Variants in MBOAT2 observed in about 807,000 individuals in gnomAD.
The protein encoded by MBOAT2 is membrane bound glycerophospholipid O-acyltransferase 2.
MBOAT2 carries 28 observed loss-of-function variants against 63.4 expected under a neutral mutation model. The ratio of observed to expected loss-of-function variants is 0.44; its 90% CI spans 0.33 to 0.61. MBOAT2 has a LOEUF of 0.61. Among genes scored for constraint, MBOAT2 ranks in the 20% least tolerant of loss-of-function variants. The pLI, the probability that MBOAT2 is intolerant of heterozygous loss-of-function variation, is 0.03. For missense variants in MBOAT2, 470 were observed against 605.8 expected, an observed-to-expected ratio of 0.78 and a Z score of 2.35; for synonymous variants, 211 against 215.6, an observed-to-expected ratio of 0.98 and a Z score of 0.19.
chr2:8,929,091 A>G (rs529878354), intron 3 of MBOAT2, among the ~76,000 whole-genome samples: 154 of 152,324 alleles, frequency 1.0e-3, no homozygotes, highest in Admixed American at 2.1e-3. Flanking sequence ...CAGCAGACAC[A>G]AAAATAGATC....
At chr2:8,880,524 G>A (rs1215257373) in intron 6 of MBOAT2, among the ~76,000 whole-genome samples, 2 of 152,266 alleles carry the variant, frequency 1.3e-5, no homozygotes, top group African/African-American at 4.8e-5. Flanking sequence ...TTGGATAAAT[G>A]AGGCTGGAGC....
intron 1 of MBOAT2, among the ~76,000 whole-genome samples, chr2:8,960,909 A>T (rs1335833472): frequency 6.6e-6 from 1 of 152,216 alleles, no homozygotes; most frequent in African/African-American, 2.4e-5. Flanking sequence ...AGAAAACAAC[A>T]TGAAGGAAGC....
intron 1 of MBOAT2, among the ~76,000 whole-genome samples, chr2:8,998,842 T>C (rs1672489932): frequency 6.6e-6 from 1 of 152,124 alleles, no homozygotes; most frequent in African/African-American, 2.4e-5. Flanking sequence ...ATTTGCCACA[T>C]ATTATTAAGA....
intron 2 of MBOAT2, among the ~76,000 whole-genome samples, chr2:8,947,474 A>G (rs1314482544): frequency 6.6e-6 from 1 of 151,770 alleles, no homozygotes; most frequent in Non-Finnish European, 1.5e-5. Flanking sequence ...TACTGGAAGA[A>G]GATGCCATAG....
intron 1 of MBOAT2, among the ~76,000 whole-genome samples, chr2:8,959,758 T>C (rs1265514686): frequency 1.3e-5 from 2 of 152,158 alleles, no homozygotes; most frequent in East Asian, 1.9e-4. Context: ...CAATCACACC[T>C]GGCCAAAATC....
chr2:8,882,664 G>C (rs1463618281), intron 5 of MBOAT2, 99 bp from the exon 6 acceptor site: 1 of 1,030,110 alleles, frequency 9.7e-7, no homozygotes, highest in Non-Finnish European at 1.5e-6. Context: ...TGAAATTCAT[G>C]CTATTATATT....
At chr2:8,925,705 C>T (rs1666885712) in intron 3 of MBOAT2, among the ~76,000 whole-genome samples, 2 of 152,212 alleles carry the variant, frequency 1.3e-5, no homozygotes, top group Admixed American at 1.3e-4. Flanking sequence ...TCACAGTCCC[C>T]ATCCTGAGTT....
At chr2:8,879,588 C>T (rs572744002) in intron 6 of MBOAT2, among the ~76,000 whole-genome samples, 21 of 152,152 alleles carry the variant, frequency 1.4e-4, no homozygotes, top group Non-Finnish European at 2.9e-5. Flanking sequence ...ATTATTGACA[C>T]TTTGGGCCCA....
chr2:8,936,334 A>G (rs1376692016), intron 3 of MBOAT2, among the ~76,000 whole-genome samples: 1 of 152,212 alleles, frequency 6.6e-6, no homozygotes, highest in African/African-American at 2.4e-5. Flanking sequence ...GAGGCCCACA[A>G]TAAATGTTTA....
intron 7 of MBOAT2, among the ~76,000 whole-genome samples, chr2:8,876,022 A>G (rs1258875580): frequency 2.0e-5 from 3 of 152,218 alleles, no homozygotes; most frequent in Non-Finnish European, 1.5e-5. Flanking sequence ...CCCTTGCTCT[A>G]AGCCCTACAT....
At chr2:8,948,767 T>C (rs985554283) in intron 2 of MBOAT2, among the ~76,000 whole-genome samples, 1 of 152,218 alleles carries the variant, frequency 6.6e-6, no homozygotes, top group African/African-American at 2.4e-5. Context: ...GTTGATTCCA[T>C]GTCTTTGCTA....
chr2:8,908,458 AGAC>A, intron 4 of MBOAT2, 160 bp downstream of exon 4: 1 of 560,240 alleles, frequency 1.8e-6, no homozygotes, highest in Non-Finnish European at 3.2e-6. Flanking sequence ...AGTACTAAAA[AGAC>A]TACTTACAAG....
rs112806037 is a variant in MBOAT2 at position 8,934,095 on chromosome 2, C to T, written c.299+9092G>A. 1.4e-3 allele frequency among the ~76,000 whole-genome samples: 209 copies of T among 152,306 alleles called. 1 individual carries two copies. Among genetic ancestry groups the T allele is most frequent in the African/African-American group, 4.8e-3 (199 of 41,578 alleles). On this transcript the variant is annotated intron_variant, in intron 3 of 12. Transcript: ENST00000305997. Reference sequence around the variant, plus strand: ...AAATCTTTCAGAAATCCAACAGGACCTGGACATCCTATTACCTATTACCAA... The same window carrying T: ...AAATCTTTCAGAAATCCAACAGGACTTGGACATCCTATTACCTATTACCAA...
At chr2:8,998,963 A>G (rs1672499170) in intron 1 of MBOAT2, among the ~76,000 whole-genome samples, 2 of 152,222 alleles carry the variant, frequency 1.3e-5, no homozygotes, top group African/African-American at 4.8e-5. Context: ...TGACTTCACC[A>G]GGTGTTGTGA....
intron 1 of MBOAT2, among the ~76,000 whole-genome samples, chr2:9,002,446 G>T (rs1400762596): frequency 2.6e-5 from 4 of 152,204 alleles, no homozygotes; most frequent in Non-Finnish European, 5.9e-5. Context: ...TGAAATCCCT[G>T]AAGACTAAAT....
chr2:8,901,347 T>C (rs1664908068), intron 4 of MBOAT2, among the ~76,000 whole-genome samples: 1 of 152,108 alleles, frequency 6.6e-6, no homozygotes, highest in South Asian at 2.1e-4. Flanking sequence ...TAGTGGCCCT[T>C]ACCGACGCAT....
rs775571883 is a variant in MBOAT2, at chr2:8,868,569, A to C, written c.884-20T>G. ...CATCAGCTATAGAAAACAACATTAG[A>C]AAAAAGTATTAAGAATCTCCATAAC... On this transcript the variant is annotated intron_variant, in intron 8 of 12. Coordinates refer to ENST00000305997, the MANE Select transcript of MBOAT2 (RefSeq NM_138799.4). 1 of 1,575,392 alleles carries C rather than the reference A, an allele frequency of 6.3e-7. No individual in the cohort carries two copies. The highest frequency in any genetic ancestry group is 8.7e-7 in the Non-Finnish European group (1 of 1,149,706).
intron 2 of MBOAT2, among the ~76,000 whole-genome samples, chr2:8,952,751 T>TTTTA (rs1371662514): frequency 6.6e-6 from 1 of 152,088 alleles, no homozygotes; most frequent in Non-Finnish European, 1.5e-5. Context: ...TTTTTTTTTT[T>TTTTA]TTTACTGTTG....
chr2:8,910,349 C>A (rs1222352555), intron 3 of MBOAT2, among the ~76,000 whole-genome samples: 1 of 151,942 alleles, frequency 6.6e-6, no homozygotes, highest in African/African-American at 2.4e-5. Context: ...TAAGGAGCAC[C>A]AAGTGGTTAG....
Sources: gnomAD v4.1 joint callset for allele counts (sites outside exome capture counted in the v4.1 genomes callset) on GRCh38, gnomAD v4.1.1 for gene constraint, MANE v1.5 for transcripts, NCBI Gene and HGNC (gene_info 2026-07-23, HGNC 2026-07-21) for gene names.